Variants in UBE2L6 observed in about 807,000 individuals in gnomAD.
The protein encoded by UBE2L6 is ubiquitin conjugating enzyme E2 L6.
A neutral mutation model predicts 13.6 loss-of-function variants in UBE2L6; 11 were observed. The observed-to-expected ratio is 0.81, with a 90% CI of 0.51 to 1.34. The LOEUF is 1.34. Ranked by LOEUF, UBE2L6 falls within the 40% of genes most tolerant of loss-of-function variation. The probability of loss-of-function intolerance (pLI) is 0.00; values close to 1 mark genes in which losing one functional copy is unlikely to be tolerated. For missense variants in UBE2L6, 197 were observed against 199.5 expected (o/e 0.99, Z 0.07); for synonymous variants, 74 against 83.2 (o/e 0.89, Z 0.60).
At chr11:57,566,936 C>T in intron 1 of UBE2L6, 4 of 286,496 alleles carry the variant, frequency 1.4e-5, no homozygotes, top group Non-Finnish European at 2.1e-5. Flanking sequence ...GATTTGTGTT[C>T]ATCTCTGCCC....
chr11:57,561,823 C>T (rs997843384), intron 1 of UBE2L6, among the ~76,000 whole-genome samples: 3 of 152,142 alleles, frequency 2.0e-5, no homozygotes, highest in Non-Finnish European at 4.4e-5. Context: ...GAATGCTGCC[C>T]CTCTTTTAGA....
intron 1 of UBE2L6, chr11:57,567,005 C>G: frequency 2.3e-6 from 1 of 434,062 alleles, no homozygotes; most frequent in South Asian, 1.6e-5. Flanking sequence ...ACTTGTAGAA[C>G]TCACGAACGC....
intron 1 of UBE2L6, among the ~76,000 whole-genome samples, chr11:57,564,193 C>G (rs1022042100): frequency 3.3e-5 from 5 of 152,130 alleles, no homozygotes; most frequent in African/African-American, 1.2e-4. Flanking sequence ...AAGAAAGGGT[C>G]CTAACAGCAG....
chr11:57,559,742 T>A (rs2135278087), intron 2 of UBE2L6, among the ~76,000 whole-genome samples: 1 of 152,220 alleles, frequency 6.6e-6, no homozygotes, highest in East Asian at 1.9e-4. Flanking sequence ...GATTAATTTC[T>A]CAAAGTATCT....
intron 2 of UBE2L6, 63 bp from the exon 3 acceptor site, chr11:57,554,686 A>C: frequency 6.3e-7 from 1 of 1,581,902 alleles, no homozygotes; most frequent in South Asian, 1.1e-5. Flanking sequence ...CCCCAATCCG[A>C]GGGTCCTAGG....
At chr11:57,564,296 A>G (rs1945068972) in intron 1 of UBE2L6, among the ~76,000 whole-genome samples, 1 of 152,238 alleles carries the variant, frequency 6.6e-6, no homozygotes, top group African/African-American at 2.4e-5. Context: ...AGAGAGTGGC[A>G]TGACATATTT....
chr11:57,566,637 C>G (rs1474012215), intron 1 of UBE2L6, among the ~76,000 whole-genome samples: 1 of 152,182 alleles, frequency 6.6e-6, no homozygotes, highest in Non-Finnish European at 1.5e-5. Context: ...GATTTAGTAT[C>G]TAGGCCAAGC....
At position 57,552,363 on chromosome 11, in the gene UBE2L6, A is replaced by G. The variant is rs781361296; in HGVS notation, c.457T>C (p.Ser153Pro). The change falls in exon 4 of 4, where the codon TCC becomes CCC. Residue 153 changes from serine (S) to proline (P), a missense_variant. By Grantham distance (74) the Ser-to-Pro change is moderately conservative (BLOSUM62 -1). Transcript: ENST00000287156. The part of the protein sequence containing the change: ...FTLRFGVDRP[S>P] ...ACAGAGGGTCAGAACATGAGTTAGG[A>G]GGGCCGGTCCACTCCGAATCGGAGG... is the stretch of plus-strand genomic sequence containing the variant. The G allele has an allele frequency of 1.2e-6, 2 of 1,614,056 alleles. No homozygotes were observed. The highest frequency in any genetic ancestry group is 1.6e-4 in the Middle Eastern group (1 of 6,084).
chr11:57,560,296 T>C (rs761253039), intron 2 of UBE2L6, 41 bp downstream of exon 2: 1 of 1,556,134 alleles, frequency 6.4e-7, no homozygotes, highest in South Asian at 1.1e-5. Context: ...CCTGGCCTAA[T>C]TTGGCCCCAA....
chr11:57,563,844 G>A (rs1945066015), intron 1 of UBE2L6, among the ~76,000 whole-genome samples: 1 of 152,126 alleles, frequency 6.6e-6, no homozygotes, highest in South Asian at 2.1e-4. Context: ...AGAGCTTGCA[G>A]TGAGCCAAGA....
At chr11:57,567,674 G>A, upstream of UBE2L6, 7 of 1,547,072 alleles carry the variant, frequency 4.5e-6, no homozygotes, top group Non-Finnish European at 5.3e-6. Context: ...CCGCGACACA[G>A]CGCGCCCCGC....
chr11:57,567,830 G>C (rs1045608693), upstream of UBE2L6: 13 of 497,764 alleles, frequency 2.6e-5, no homozygotes, highest in African/African-American at 6.2e-5. Flanking sequence ...CGCGCGGAAG[G>C]CTCGGACCCG....
At chr11:57,556,345 G>A (rs970429235) in intron 2 of UBE2L6, among the ~76,000 whole-genome samples, 8 of 152,142 alleles carry the variant, frequency 5.3e-5, no homozygotes, top group African/African-American at 1.9e-4. Context: ...AGCACTTTGG[G>A]AGTCCAAAGT....
At chr11:57,558,023 G>C (rs1945010924) in intron 2 of UBE2L6, among the ~76,000 whole-genome samples, 1 of 152,186 alleles carries the variant, frequency 6.6e-6, no homozygotes, top group Non-Finnish European at 1.5e-5. Flanking sequence ...ACAGTCAGTT[G>C]AGAAAGTCCC....
At chr11:57,558,849 C>G (rs1278289046) in intron 2 of UBE2L6, among the ~76,000 whole-genome samples, 1 of 152,174 alleles carries the variant, frequency 6.6e-6, no homozygotes. Flanking sequence ...CCTTCAGGCC[C>G]CCTTAGCTGA....
At chr11:57,561,947 G>T (rs1945050281) in intron 1 of UBE2L6, among the ~76,000 whole-genome samples, 1 of 152,180 alleles carries the variant, frequency 6.6e-6, no homozygotes, top group African/African-American at 2.4e-5. Context: ...TCTCAACCAG[G>T]GGCGATTTTA....
rs961256782 is a variant in UBE2L6 at position 57,552,454 on chromosome 11, C to T, written c.366G>A (p.Arg122=). ...VNRPNIREPL[R]MDLADLLTQN... is the part of the protein sequence containing the mutation. ...GTGTCAGCAGGTCAGCGAGGTCCAT[C>T]CGCAGGGGCTCCCTGATATTCGGTC... The change falls in exon 4 of 4, where the codon CGG becomes CGA. Residue 122 remains arginine (R), a synonymous_variant. Transcript: ENST00000287156. The T allele has an allele frequency of 6.2e-7, 1 of 1,614,172 alleles. No individual in the cohort carries two copies. Among genetic ancestry groups the T allele is most frequent in the African/African-American group, 1.3e-5 (1 of 75,032 alleles).
intron 3 of UBE2L6, among the ~76,000 whole-genome samples, chr11:57,554,149 G>A (rs913903362): frequency 1.1e-4 from 17 of 152,254 alleles, no homozygotes; most frequent in African/African-American, 3.9e-4. Context: ...GTCCACAGAG[G>A]GAACAGCGGG....
chr11:57,563,608 A>C (rs1380709492), intron 1 of UBE2L6, among the ~76,000 whole-genome samples: 1 of 151,726 alleles, frequency 6.6e-6, no homozygotes, highest in East Asian at 1.9e-4. Flanking sequence ...TTGAAAATAC[A>C]GTCAGATGAA....
Sources: gnomAD v4.1 joint callset for allele counts (sites outside exome capture counted in the v4.1 genomes callset) on GRCh38, gnomAD v4.1.1 for gene constraint, MANE v1.5 for transcripts, NCBI Gene and HGNC (gene_info 2026-07-23, HGNC 2026-07-21) for gene names.